The following NEK1 variants were observed in gnomAD, a reference collection of about 807,000 sequenced individuals.
NEK1 encodes serine/threonine-protein kinase Nek1.
Under a neutral mutation model 182.1 loss-of-function variants are expected in NEK1, and 137 were observed. The observed-to-expected ratio is 0.75, with a 90% CI of 0.65 to 0.87. The LOEUF (loss-of-function observed/expected upper bound fraction) is 0.87. Ranked by LOEUF, NEK1 falls within the 40% of genes least tolerant of loss-of-function variation. The pLI is 0.00. For missense variants in NEK1, 1,391 were observed against 1,494.4 expected, an observed-to-expected ratio of 0.93 and a Z score of 1.14; for synonymous variants, 513 against 492.2, an observed-to-expected ratio of 1.04 and a Z score of -0.56.
chr4:169,442,138 C>T (rs928050018), intron 27 of NEK1, among the ~76,000 whole-genome samples: 2 of 152,146 alleles, frequency 1.3e-5, no homozygotes, highest in African/African-American at 4.8e-5. Context: ...CATGTGGAGG[C>T]CCAAGGATTA....
At chr4:169,535,804 C>T (rs138069453) in intron 19 of NEK1, among the ~76,000 whole-genome samples, 8,624 of 148,436 alleles carry the variant, frequency 0.058, 829 homozygotes, top group African/African-American at 0.2. Context: ...CACTTGAACC[C>T]GGGAGGCGGA....
At chr4:169,463,435 G>C in intron 26 of NEK1, 40 bp from the exon 27 acceptor site, 3 of 1,493,104 alleles carry the variant, frequency 2.0e-6, no homozygotes, top group Non-Finnish European at 2.8e-6. Flanking sequence ...TTCAATAACA[G>C]TATAATAATA....
chr4:169,424,409 T>C, intron 31 of NEK1, 144 bp downstream of exon 31: 1 of 963,124 alleles, frequency 1.0e-6, no homozygotes. Context: ...TTGCAATTTA[T>C]TTGCTCAGAA....
chr4:169,575,461 C>A (rs1206519695), intron 12 of NEK1, among the ~76,000 whole-genome samples: 1 of 152,242 alleles, frequency 6.6e-6, no homozygotes, highest in Non-Finnish European at 1.5e-5. Flanking sequence ...CTCACCCCTA[C>A]AGGCACCTTC....
At chr4:169,473,649 C>T (rs1431807159) in intron 26 of NEK1, among the ~76,000 whole-genome samples, 7 of 151,916 alleles carry the variant, frequency 4.6e-5, no homozygotes, top group Non-Finnish European at 7.4e-5. Context: ...CTTTGGGGAG[C>T]CAAAGTGGGT....
At chr4:169,546,703 T>A (rs1760522859) in intron 18 of NEK1, among the ~76,000 whole-genome samples, 1 of 152,244 alleles carries the variant, frequency 6.6e-6, no homozygotes, top group Non-Finnish European at 1.5e-5. Flanking sequence ...CTCTTCTTGT[T>A]GCATTGATCC....
rs911496158 is a variant in NEK1, at chr4:169,597,849, G to A, written c.312+1251C>T. 2.6e-5 allele frequency among the ~76,000 whole-genome samples: 4 copies of A among 152,224 alleles called. No individual in the cohort carries two copies. In the East Asian group the frequency reaches 7.7e-4, roughly 29 times the overall value. The stretch of plus-strand genomic sequence containing the variant: ...CTCGGGAGGCTGAGGCAGGAGAATG[G>A]CGTGAACCCGGAAGGCGGAGGTTGC... On this transcript the variant is annotated intron_variant, in intron 5 of 35. Transcript: ENST00000507142.
At chr4:169,469,217 T>C (rs1285113525) in intron 26 of NEK1, among the ~76,000 whole-genome samples, 1 of 152,198 alleles carries the variant, frequency 6.6e-6, no homozygotes, top group Non-Finnish European at 1.5e-5. Context: ...TATTAGGGTG[T>C]CAATTTTAGG....
In NEK1 at chr4:169,438,206, CT is replaced by C. The variant is rs760894879; in HGVS notation, c.2640del (p.Val881TyrfsTer8). 1.3e-6 allele frequency: 2 copies of C among 1,578,002 alleles called. No individual in the cohort carries two copies. The highest frequency in any genetic ancestry group is 1.3e-5 in the African/African-American group (1 of 74,462). ...TTTATTTCATGTGAAATACATTGTA[CT>C]TTTTTTTCTCCAGTAATTAAGGGTT... ...KYKPLITGEKKVQCISHEINP... is the reference protein window; with the variant it reads ...KYKPLITGEKXVQCISHEINP... On this transcript the variant is annotated frameshift_variant, in exon 28 of 36. Coordinates refer to ENST00000507142, the MANE Select transcript of NEK1 (RefSeq NM_001199397.3). LOFTEE classifies it high-confidence loss of function.
At chr4:169,484,002 T>C (rs1748600671) in intron 23 of NEK1, among the ~76,000 whole-genome samples, 1 of 152,140 alleles carries the variant, frequency 6.6e-6, no homozygotes, top group Non-Finnish European at 1.5e-5. Flanking sequence ...GTATATAAAT[T>C]CAAATAAGGT....
chr4:169,428,877 A>G (rs970895049), intron 29 of NEK1, among the ~76,000 whole-genome samples: 1 of 151,956 alleles, frequency 6.6e-6, no homozygotes, highest in African/African-American at 2.4e-5. Context: ...TTTTCATTCA[A>G]TATTATTTTA....
At chr4:169,526,502 AAAAT>A (rs1293953447) in intron 19 of NEK1, among the ~76,000 whole-genome samples, 1 of 152,200 alleles carries the variant, frequency 6.6e-6, no homozygotes, top group African/African-American at 2.4e-5. Context: ...AAAAAAAACA[AAAAT>A]AAAAGTAAAC....
At chr4:169,412,957 T>C (rs1733919444) in intron 31 of NEK1, among the ~76,000 whole-genome samples, 1 of 151,314 alleles carries the variant, frequency 6.6e-6, no homozygotes, top group African/African-American at 2.4e-5. Flanking sequence ...GCAAGGGAGA[T>C]TGAGATTGAA....
rs550312144 is a variant in NEK1 at position 169,494,428 on chromosome 4, C to T, written c.2007+12609G>A. ...CATGCCCCTACAAAGGACATGAACT[C>T]GTCATTTTTGATGGCTGCATAGTAT... On this transcript the variant is annotated intron_variant, in intron 23 of 35. Coordinates refer to ENST00000507142, the MANE Select transcript of NEK1 (RefSeq NM_001199397.3). 1.2e-4 allele frequency among the ~76,000 whole-genome samples: 19 copies of T among 152,238 alleles called. No homozygotes were observed. In the East Asian group the frequency reaches 2.1e-3, roughly 17 times the overall value.
intron 5 of NEK1, 100 bp downstream of exon 5, chr4:169,599,000 T>C (rs754248819): frequency 3.5e-5 from 29 of 820,832 alleles, no homozygotes; most frequent in Non-Finnish European, 5.3e-5. Flanking sequence ...CCTAGTAATT[T>C]TGATTAGCAT....
chr4:169,420,097 CTTACTG>C (rs1005029638), intron 31 of NEK1, among the ~76,000 whole-genome samples: 5 of 152,174 alleles, frequency 3.3e-5, no homozygotes, highest in African/African-American at 9.7e-5. Context: ...TTAACCTTAT[CTTACTG>C]TAACCTTTTC....
chr4:169,492,975 T>C (rs1750400085), intron 23 of NEK1, among the ~76,000 whole-genome samples: 3 of 152,164 alleles, frequency 2.0e-5, no homozygotes, highest in Admixed American at 1.3e-4. Flanking sequence ...AAGTGCATGA[T>C]TGTGGACATG....
intron 28 of NEK1, 110 bp downstream of exon 28, chr4:169,437,973 T>C (rs1738733803): frequency 2.5e-6 from 2 of 808,898 alleles, no homozygotes; most frequent in Admixed American, 3.3e-5. Flanking sequence ...GAACCTAATT[T>C]GAGATAATTA....
intron 27 of NEK1, among the ~76,000 whole-genome samples, 153 bp from the exon 28 acceptor site, chr4:169,438,412 C>T (rs1022876502): frequency 6.6e-6 from 1 of 152,236 alleles, no homozygotes; most frequent in African/African-American, 2.4e-5. Flanking sequence ...TAAGTGACTA[C>T]AGTATATGAA....
Sources: gnomAD v4.1 joint callset for allele counts (sites outside exome capture counted in the v4.1 genomes callset) on GRCh38, gnomAD v4.1.1 for gene constraint, MANE v1.5 for transcripts, NCBI Gene and HGNC (gene_info 2026-07-23, HGNC 2026-07-21) for gene names.